Variants in NDFIP1 observed in about 807,000 individuals in gnomAD.
NDFIP1 encodes NEDD4 family-interacting protein 1.
A neutral mutation model predicts 28.8 loss-of-function variants in NDFIP1; 7 were observed. The observed-to-expected ratio is 0.24, with a 90% CI of 0.14 to 0.46. The LOEUF (loss-of-function observed/expected upper bound fraction) is 0.46. Among genes scored for constraint, NDFIP1 ranks in the 20% least tolerant of loss-of-function variants. The pLI is 0.99. For missense variants in NDFIP1, 194 were observed against 269.1 expected, an observed-to-expected ratio of 0.72 and a Z score of 1.95; for synonymous variants, 92 against 101.0, an observed-to-expected ratio of 0.91 and a Z score of 0.53.
chr5:142,141,203 T>C (rs1426956959), intron 6 of NDFIP1, among the ~76,000 whole-genome samples: 5 of 128,736 alleles, frequency 3.9e-5, no homozygotes, highest in African/African-American at 5.9e-5. Context: ...TTTTACAGAG[T>C]CTTGCTCTGT....
rs1757462263 is a variant in NDFIP1 at position 142,152,920 on chromosome 5, A to G, written c.*1192A>G. On this transcript the variant is annotated 3_prime_UTR_variant, in exon 8 of 8. Coordinates refer to ENST00000253814, the MANE Select transcript of NDFIP1 (RefSeq NM_030571.4). ...TTTTTTTCTTCATTTTCAGCACAAG[A>G]AGTCCTCTTATATCCTACTAAATAC... The G allele has an allele frequency of 5.9e-6, 1 of 170,468 alleles. No individual in the cohort carries two copies. Among genetic ancestry groups the G allele is most frequent in the Non-Finnish European group, 1.3e-5 (1 of 78,892 alleles). 10.6% of individuals were successfully genotyped at this position (170,468 alleles called of 1,614,324 possible). A position where few individuals can be genotyped will look rare whatever the true frequency, so the allele number is the denominator to read the frequency against.
chr5:142,137,070 CAAAAAAAAAAA>C (rs56227585), intron 4 of NDFIP1, among the ~76,000 whole-genome samples: 4 of 95,030 alleles, frequency 4.2e-5, no homozygotes, highest in African/African-American at 1.6e-4. Flanking sequence ...GACTCAGTCT[CAAAAAAAAAAA>C]AAAAAAAAAA....
intron 3 of NDFIP1, among the ~76,000 whole-genome samples, chr5:142,135,324 G>A (rs1410928698): frequency 2.0e-5 from 3 of 152,050 alleles, no homozygotes; most frequent in Non-Finnish European, 2.9e-5. Context: ...ACAGGTCCTC[G>A]ATTACTGATA....
chr5:142,111,865 G>A (rs573170750), intron 1 of NDFIP1, among the ~76,000 whole-genome samples: 10 of 151,292 alleles, frequency 6.6e-5, no homozygotes, highest in African/African-American at 1.5e-4. Context: ...TCAGGAGTTC[G>A]AGACCAGCCT....
At chr5:142,118,375 T>G (rs570647065) in intron 1 of NDFIP1, among the ~76,000 whole-genome samples, 1 of 152,318 alleles carries the variant, frequency 6.6e-6, no homozygotes, top group African/African-American at 2.4e-5. Flanking sequence ...TGAGGAGTAT[T>G]GGTCAGGTCT....
At chr5:142,122,617 G>A (rs185482212) in intron 1 of NDFIP1, among the ~76,000 whole-genome samples, 3 of 152,152 alleles carry the variant, frequency 2.0e-5, no homozygotes, top group African/African-American at 7.2e-5. Flanking sequence ...CAGTAGTGTA[G>A]TGCGAGAATT....
At chr5:142,149,854 C>T (rs1171341707) in intron 7 of NDFIP1, among the ~76,000 whole-genome samples, 1 of 152,050 alleles carries the variant, frequency 6.6e-6, no homozygotes, top group East Asian at 1.9e-4. Flanking sequence ...TCTGTTTTGA[C>T]CTACTAGTCA....
rs11346871 is a variant in NDFIP1, at chr5:142,117,247, C to CT, written c.63+8225dup. On this transcript the variant is annotated intron_variant, in intron 1 of 7. Coordinates refer to ENST00000253814, the MANE Select transcript of NDFIP1 (RefSeq NM_030571.4). ...ATAATGATTTCATTTTCTTTTTTTG[C>CT]TTTTTTTTTTTTTTTGAGACGGAGT... is the stretch of plus-strand genomic sequence containing the variant. 3.3e-3 allele frequency among the ~76,000 whole-genome samples: 449 copies of CT among 134,402 alleles called. 2 individuals carry two copies. The highest frequency in any genetic ancestry group is 0.01 in the African/African-American group (357 of 35,386). 88.2% of individuals were successfully genotyped at this position (134,402 alleles called of 152,430 possible).
chr5:142,116,044 TG>T (rs1321871518), intron 1 of NDFIP1, among the ~76,000 whole-genome samples: 1 of 152,226 alleles, frequency 6.6e-6, no homozygotes, highest in Non-Finnish European at 1.5e-5. Flanking sequence ...CCTCCCATTT[TG>T]GTATCTGTGG....
Position 142,135,767 on chromosome 5 carries a change from C to G in NDFIP1, c.320C>G (p.Ala107Gly). 3.1e-6 allele frequency: 5 copies of G among 1,613,724 alleles called. No homozygotes were observed. Among genetic ancestry groups the G allele is most frequent in the Non-Finnish European group, 4.2e-6 (5 of 1,179,822 alleles). Residue 107 changes from alanine (A) to glycine (G), a missense_variant, in exon 4 of 8, where the codon GCT becomes GGT. Transcript: ENST00000253814. ...GTGGGTCGGGATGATTTTGATGATGCTGACCAGCTGAGGATAGGAAATGAT... is the reference window on the plus strand; with the variant it reads ...GTGGGTCGGGATGATTTTGATGATGGTGACCAGCTGAGGATAGGAAATGAT... ...DFVGRDDFDD[A>G]DQLRIGNDGI... is the part of the protein sequence containing the mutation.
intron 1 of NDFIP1, among the ~76,000 whole-genome samples, chr5:142,123,129 A>T (rs1757136965): frequency 6.6e-6 from 1 of 151,518 alleles, no homozygotes; most frequent in African/African-American, 2.4e-5. Flanking sequence ...CACCCAGCTA[A>T]TTTTTCTATT....
intron 1 of NDFIP1, among the ~76,000 whole-genome samples, chr5:142,118,642 C>T (rs930164208): frequency 2.6e-5 from 4 of 152,178 alleles, no homozygotes; most frequent in Non-Finnish European, 5.9e-5. Flanking sequence ...AGTCACTATG[C>T]ATGGTCCACA....
intron 7 of NDFIP1, among the ~76,000 whole-genome samples, chr5:142,146,979 C>T (rs1409303087): frequency 6.6e-6 from 1 of 152,066 alleles, no homozygotes; most frequent in Non-Finnish European, 1.5e-5. Context: ...GTAGGAAGTA[C>T]TAAGGGAGAT....
In NDFIP1 at chr5:142,131,693, G is replaced by C. The variant is rs555587801; in HGVS notation, c.64-115G>C. 7.3e-6 allele frequency: 5 copies of C among 687,444 alleles called. No homozygotes were observed. The East Asian group carries it at 8.9e-5, about 12-fold the overall frequency. The allele number at this position is 687,444 out of a possible 1,614,324, so 42.6% of individuals were successfully genotyped here. A position where few individuals can be genotyped will look rare whatever the true frequency, so the allele number is the denominator to read the frequency against. ...TCTTAAAGGATTTGTGCATTTCAAG[G>C]CTTTCAAAATACGTTGCCAAATAGC... is the stretch of plus-strand genomic sequence containing the variant. On this transcript the variant is annotated intron_variant, in intron 1 of 7. Transcript: ENST00000253814.
rs371375985 is a variant in NDFIP1 at position 142,154,351 on chromosome 5, G to A, written c.*2623G>A. 6.6e-6 allele frequency: 1 copy of A among 151,828 alleles called. No homozygotes were observed. The highest frequency in any genetic ancestry group is 2.1e-4 in the South Asian group (1 of 4,812). 9.4% of individuals were successfully genotyped at this position (151,828 alleles called of 1,614,324 possible). On this transcript the variant is annotated 3_prime_UTR_variant, in exon 8 of 8. Transcript: ENST00000253814. ...AAACTCTGTACTCTTATGTTTAAAG[G>A]GTTCTGTATAGCCATTTTTTTTTTC... is the stretch of plus-strand genomic sequence containing the variant.
intron 1 of NDFIP1, among the ~76,000 whole-genome samples, chr5:142,122,816 G>C (rs1757133792): frequency 1.3e-5 from 2 of 151,860 alleles, no homozygotes; most frequent in South Asian, 4.2e-4. Flanking sequence ...TTATTGAATG[G>C]CTTCCTTATT....
At chr5:142,119,441 C>T (rs115935127) in intron 1 of NDFIP1, among the ~76,000 whole-genome samples, 2,266 of 152,312 alleles carry the variant, frequency 0.015, 50 homozygotes, top group African/African-American at 0.049. Context: ...CCTTTTCCTC[C>T]ACCCACTTGA....
At chr5:142,116,430 G>A (rs904418658) in intron 1 of NDFIP1, among the ~76,000 whole-genome samples, 35 of 150,510 alleles carry the variant, frequency 2.3e-4, no homozygotes, top group African/African-American at 5.9e-4. Flanking sequence ...GTGCAGTGGC[G>A]CAATCTTGGC....
intron 1 of NDFIP1, 22 bp downstream of exon 1, chr5:142,109,059 C>T (rs748538764): frequency 8.7e-6 from 12 of 1,379,390 alleles, no homozygotes; most frequent in Non-Finnish European, 1.1e-5. Flanking sequence ...CCGACTCCAG[C>T]CCCGAACTCC....
Sources: allele counts gnomAD v4.1 joint callset (sites outside exome capture counted in the v4.1 genomes callset), GRCh38; gene constraint gnomAD v4.1.1; transcripts MANE v1.5; gene names NCBI Gene and HGNC (gene_info 2026-07-23, HGNC 2026-07-21).